PAQR3: variants seen among roughly 807,000 people sequenced by gnomAD.
PAQR3 encodes the protein progestin and adipoQ receptor family member 3, also known as Raf kinase trapping to Golgi.
A neutral mutation model predicts 41.7 loss-of-function variants in PAQR3; 39 were observed. The observed-to-expected ratio is 0.93, with a 90% CI of 0.72 to 1.22. The LOEUF (loss-of-function observed/expected upper bound fraction) is 1.22. Among genes scored for constraint, PAQR3 ranks in the 50% most tolerant of loss-of-function variants. The probability of loss-of-function intolerance (pLI) is 0.00; values close to 1 mark genes in which losing one functional copy is unlikely to be tolerated. For synonymous variants in PAQR3, 140 were observed against 140.6 expected, an observed-to-expected ratio of 1.00 and a Z score of 0.03; for missense variants, 366 against 385.6, an observed-to-expected ratio of 0.95 and a Z score of 0.42.
chr4:78,932,877 T>C (rs1375152657), intron 2 of PAQR3, among the ~76,000 whole-genome samples: 1 of 152,110 alleles, frequency 6.6e-6, no homozygotes. Flanking sequence ...ATCTGGCAAA[T>C]TGGGTATGTT....
chr4:78,937,034 C>T (rs1026229171), intron 1 of PAQR3, among the ~76,000 whole-genome samples: 1 of 152,222 alleles, frequency 6.6e-6, no homozygotes, highest in African/African-American at 2.4e-5. Context: ...GCACAGTAGA[C>T]ACACCTGACA....
intron 5 of PAQR3, chr4:78,921,897 T>C (rs1261323136): frequency 1.0e-6 from 1 of 985,118 alleles, no homozygotes; most frequent in Non-Finnish European, 1.2e-6. Context: ...CTCTGCTACA[T>C]AGGGCACATT....
chr4:78,923,152 C>T (rs918787780), intron 5 of PAQR3, among the ~76,000 whole-genome samples: 1 of 150,142 alleles, frequency 6.7e-6, no homozygotes, highest in Non-Finnish European at 1.5e-5. Flanking sequence ...GTGAAGTGAT[C>T]CTACATCTCA....
Position 78,930,316 on chromosome 4 carries a change from G to C in PAQR3, c.358C>G (p.Leu120Val). The change falls in exon 3 of 6, where the codon CTT (leucine) becomes GTT (valine). Residue 120 changes from leucine (L) to valine (V), a missense_variant. Coordinates refer to ENST00000512733, the MANE Select transcript of PAQR3 (RefSeq NM_001040202.2). The part of the protein sequence containing the change: ...ICLFCFQVCM[L>V]CSVGYHLFSC... ...AAAAGATGATAGCCCACAGAGCAAA[G>C]CATACAGACCTGTGAAAAATAAAAA... 1 of 1,611,406 alleles carries C rather than the reference G, an allele frequency of 6.2e-7. No homozygotes were observed. The highest frequency in any genetic ancestry group is 8.5e-7 in the Non-Finnish European group (1 of 1,179,254).
chr4:78,902,145 A>C (rs892527887), intron 11 of PAQR3, among the ~76,000 whole-genome samples: 19 of 152,178 alleles, frequency 1.2e-4, no homozygotes, highest in African/African-American at 4.6e-4. Flanking sequence ...GATATACTGA[A>C]TTCCACTGTA....
At position 78,913,166 on chromosome 4, in the gene PAQR3, A is replaced by G. The variant is rs1322077440; in HGVS notation, c.*7373T>C. Reference sequence around the variant, plus strand: ...GGGTGGAGTAGTTTTAATAAAGTGCACAGAATGGTGACACCCACAAAGCCT... The same window carrying G: ...GGGTGGAGTAGTTTTAATAAAGTGCGCAGAATGGTGACACCCACAAAGCCT... On this transcript the variant is annotated 3_prime_UTR_variant, in exon 6 of 6. Coordinates refer to ENST00000512733, the MANE Select transcript of PAQR3 (RefSeq NM_001040202.2). 1 of 152,166 alleles carries G rather than the reference A, an allele frequency of 6.6e-6. No homozygotes were observed. The highest frequency in any genetic ancestry group is 1.9e-4 in the East Asian group (1 of 5,206). 9.4% of individuals were successfully genotyped at this position (152,166 alleles called of 1,614,324 possible). A position where few individuals can be genotyped will look rare whatever the true frequency, so the allele number is the denominator to read the frequency against.
chr4:78,910,641 T>C (rs369777688), downstream of PAQR3: 15 of 1,557,636 alleles, frequency 9.6e-6, no homozygotes, highest in African/African-American at 2.1e-4. Context: ...AACATTCATC[T>C]ATAAATCAAG....
chr4:78,922,412 G>A, intron 5 of PAQR3: 1 of 1,288,758 alleles, frequency 7.8e-7, no homozygotes, highest in Non-Finnish European at 1.0e-6. Context: ...GATTCACCGT[G>A]GAAGTGATTC....
At position 78,918,829 on chromosome 4, in the gene PAQR3, A is replaced by T. The variant is rs7671578; in HGVS notation, c.*1710T>A. On this transcript the variant is annotated 3_prime_UTR_variant, in exon 6 of 6. Coordinates refer to ENST00000512733, the MANE Select transcript of PAQR3 (RefSeq NM_001040202.2). Reference sequence around the variant, plus strand: ...TGGCCAAAATGACAAAATATCTATTAAAAGGCAATAAAATCATGTAAGCCA... The same window carrying T: ...TGGCCAAAATGACAAAATATCTATTTAAAGGCAATAAAATCATGTAAGCCA... 0.052 allele frequency: 50,864 copies of T among 984,376 alleles called. 1,670 individuals carry two copies. Among genetic ancestry groups the T allele is most frequent in the East Asian group, 0.22 (1,969 of 8,796 alleles). The allele number at this position is 984,376 out of a possible 1,614,324, so 61.0% of individuals were successfully genotyped here. A position where few individuals can be genotyped will look rare whatever the true frequency, so the allele number is the denominator to read the frequency against.
At chr4:78,887,415 C>G in intron 12 of PAQR3, 1 of 686,854 alleles carries the variant, frequency 1.5e-6, no homozygotes, top group Non-Finnish European at 2.5e-6. Flanking sequence ...TAACCTTTAG[C>G]CATCCTACTC....
At chr4:78,888,744 A>C (rs772171687) in intron 11 of PAQR3, among the ~76,000 whole-genome samples, 1 of 152,110 alleles carries the variant, frequency 6.6e-6, no homozygotes, top group African/African-American at 2.4e-5. Flanking sequence ...ACTGTTTACT[A>C]TGGGTATTTA....
intron 5 of PAQR3, 87 bp downstream of exon 5, chr4:78,923,770 T>C (rs1224421889): frequency 9.3e-6 from 8 of 858,634 alleles, no homozygotes; most frequent in Non-Finnish European, 1.5e-5. Context: ...TATTAAAAAA[T>C]GAAACTAAGT....
rs574015963 is a variant in PAQR3 at position 78,923,729 on chromosome 4, G to T, written c.793+128C>A. ...CTTTGAAAGTTTTAGGTAACATTTG[G>T]AAAGAGAGGAATCATTTCCATAATC... On this transcript the variant is annotated intron_variant, in intron 5 of 5. Transcript: ENST00000512733. The T allele has an allele frequency of 9.0e-5, 65 of 720,446 alleles. No individual in the cohort carries two copies. The African/African-American group carries it at 1.0e-3, about 11-fold the overall frequency. 44.6% of individuals were successfully genotyped at this position (720,446 alleles called of 1,614,324 possible).
At chr4:78,931,393 T>C (rs1488090914) in intron 2 of PAQR3, among the ~76,000 whole-genome samples, 1 of 151,904 alleles carries the variant, frequency 6.6e-6, no homozygotes, top group Non-Finnish European at 1.5e-5. Context: ...TGAGATCCTG[T>C]CTCAAAAAAT....
Position 78,939,153 on chromosome 4 carries a change from C to T in PAQR3, c.72G>A (p.Val24=), listed in dbSNP as rs370342425. The stretch of plus-strand genomic sequence containing the variant: ...AGGTGTACAGGCGGATGCCACGGGG[C>T]ACCAGGACCGGCCAGTACTGGTAGC... ...LGSYQYWPVL[V]PRGIRLYTYE... is the part of the protein sequence containing the mutation. Residue 24 remains valine, a synonymous_variant, in exon 1 of 6, where the codon GTG becomes GTA. Coordinates refer to ENST00000512733, the MANE Select transcript of PAQR3 (RefSeq NM_001040202.2). 47 of 1,613,582 alleles carry T rather than the reference C, an allele frequency of 2.9e-5. No homozygotes were observed. Among genetic ancestry groups the T allele is most frequent in the Non-Finnish European group, 3.8e-5 (45 of 1,179,836 alleles).
downstream of PAQR3, chr4:78,911,572 A>C: frequency 6.2e-7 from 1 of 1,614,050 alleles, no homozygotes; most frequent in Non-Finnish European, 8.5e-7. Context: ...GAAGACTTTG[A>C]AGCCTACCTA....
Position 78,918,015 on chromosome 4 carries a change from CAAAAA to C in PAQR3, c.*2519_*2523del, listed in dbSNP as rs536268244. On this transcript the variant is annotated 3_prime_UTR_variant, in exon 6 of 6. Transcript: ENST00000512733. Reference sequence around the variant, plus strand: ...TACTGAATTGCAGTTAGTGTAATAACAAAAAAAGACAAGCACTGTCTTGCTATTTG... The same window carrying C: ...TACTGAATTGCAGTTAGTGTAATAACAAGACAAGCACTGTCTTGCTATTTG... 19 of 981,050 alleles carry C rather than the reference CAAAAA, an allele frequency of 1.9e-5. No homozygotes were observed. Among genetic ancestry groups the C allele is most frequent in the Non-Finnish European group, 2.3e-5 (19 of 825,914 alleles). 60.8% of individuals were successfully genotyped at this position (981,050 alleles called of 1,614,324 possible). A position where few individuals can be genotyped will look rare whatever the true frequency, so the allele number is the denominator to read the frequency against.
At chr4:78,889,291 T>A (rs1733295493) in intron 11 of PAQR3, among the ~76,000 whole-genome samples, 1 of 150,980 alleles carries the variant, frequency 6.6e-6, no homozygotes, top group African/African-American at 2.4e-5. Context: ...TTAAACAGTG[T>A]GAACATAAAT....
At position 78,916,085 on chromosome 4, in the gene PAQR3, TG is replaced by T. The variant is rs1560565841; in HGVS notation, c.*4453del. 6.6e-6 allele frequency: 1 copy of T among 151,924 alleles called. No individual in the cohort carries two copies. Among genetic ancestry groups the T allele is most frequent in the Non-Finnish European group, 1.5e-5 (1 of 67,852 alleles). The allele number at this position is 151,924 out of a possible 1,614,324, so 9.4% of individuals were successfully genotyped here. On this transcript the variant is annotated 3_prime_UTR_variant, in exon 6 of 6. Transcript: ENST00000512733. ...ATTTCTACTTGTTACAAAACATACT[TG>T]CTAAAGTAACTTCAGTCCTCAAATA...
Sources: gnomAD v4.1 joint callset for allele counts (sites outside exome capture counted in the v4.1 genomes callset) on GRCh38, gnomAD v4.1.1 for gene constraint, MANE v1.5 for transcripts, NCBI Gene and HGNC (gene_info 2026-07-23, HGNC 2026-07-21) for gene names.